The following ACSS3 variants were observed in gnomAD, a reference collection of about 807,000 sequenced individuals.
ACSS3 encodes the protein acyl-CoA synthetase short-chain family member 3, mitochondrial.
Under a neutral mutation model 84.2 loss-of-function variants are expected in ACSS3, and 64 were observed. That is an observed-to-expected ratio of 0.76 (90% CI 0.62 to 0.94). ACSS3 has a LOEUF of 0.94. Among genes scored for constraint, ACSS3 ranks in the 40% least tolerant of loss-of-function variants. The pLI, the probability that ACSS3 is intolerant of heterozygous loss-of-function variation, is 0.00. For missense variants in ACSS3, 815 were observed against 867.6 expected (o/e 0.94, Z 0.76); for synonymous variants, 317 against 310.1 (o/e 1.02, Z -0.23).
rs1774280869 is a variant in ACSS3, at chr12:81,078,339, C to T, written c.219C>T (p.Pro73=). ...KTHFAASVTD[P]ERFWGKAAEQ... is the part of the protein sequence containing the mutation. The stretch of plus-strand genomic sequence containing the variant: ...ACTTCGCAGCCTCGGTGACCGACCC[C>T]GAGAGGTTCTGGGGCAAAGCTGCCG... Residue 73 remains proline (P), a synonymous_variant, in exon 1 of 16, where the codon CCC becomes CCT. Transcript: ENST00000548058. The T allele has an allele frequency of 1.9e-6, 3 of 1,612,640 alleles. No individual in the cohort carries two copies. The highest frequency in any genetic ancestry group is 2.5e-6 in the Non-Finnish European group (3 of 1,179,988).
At chr12:81,197,436 T>C (rs1254297432) in intron 8 of ACSS3, among the ~76,000 whole-genome samples, 1 of 152,192 alleles carries the variant, frequency 6.6e-6, no homozygotes, top group Non-Finnish European at 1.5e-5. Context: ...TTCTTTGTTT[T>C]GTGGCCCATC....
chr12:81,206,663 A>G (rs2032364484), intron 9 of ACSS3, among the ~76,000 whole-genome samples: 1 of 152,102 alleles, frequency 6.6e-6, no homozygotes, highest in South Asian at 2.1e-4. Context: ...GTTGCCTGGC[A>G]ACAGCATTTT....
rs1593285448 is a variant in ACSS3 at position 81,261,060 on chromosome 12, G to A, written c.*6138G>A. ...ATGCTTGGTATTTATGGTTACATAGGAAGGTTTTGTGCTGGTCCTATTCTC... is the reference window on the plus strand; with the variant it reads ...ATGCTTGGTATTTATGGTTACATAGAAAGGTTTTGTGCTGGTCCTATTCTC... On this transcript the variant is annotated 3_prime_UTR_variant, in exon 16 of 16. Coordinates refer to ENST00000548058, the MANE Select transcript of ACSS3 (RefSeq NM_024560.4). 1.3e-5 allele frequency: 2 copies of A among 152,050 alleles called. No homozygotes were observed. Among genetic ancestry groups the A allele is most frequent in the Non-Finnish European group, 2.9e-5 (2 of 68,006 alleles). 9.4% of individuals were successfully genotyped at this position (152,050 alleles called of 1,614,324 possible).
intron 7 of ACSS3, among the ~76,000 whole-genome samples, chr12:81,171,624 A>G (rs2030050572): frequency 6.6e-6 from 1 of 152,126 alleles, no homozygotes; most frequent in Non-Finnish European, 1.5e-5. Context: ...GATTTTTATA[A>G]TCCATAAGTA....
chr12:81,097,423 C>A (rs1196236402), intron 1 of ACSS3, among the ~76,000 whole-genome samples: 1 of 152,128 alleles, frequency 6.6e-6, no homozygotes, highest in Non-Finnish European at 1.5e-5. Flanking sequence ...TGACCCCGGC[C>A]CTAAAACTTT....
At chr12:81,158,052 C>T (rs1386906159) in intron 7 of ACSS3, among the ~76,000 whole-genome samples, 1 of 151,788 alleles carries the variant, frequency 6.6e-6, no homozygotes, top group South Asian at 2.1e-4. Flanking sequence ...CTCTATAAAT[C>T]AGCAATGGCC....
chr12:81,222,591 C>G (rs1441800721), intron 11 of ACSS3, among the ~76,000 whole-genome samples: 1 of 151,986 alleles, frequency 6.6e-6, no homozygotes, highest in Non-Finnish European at 1.5e-5. Context: ...GATCTTAAGA[C>G]TCATTTGTGT....
chr12:81,109,673 C>A lies in ACSS3; in HGVS notation c.425C>A (p.Ala142Glu). 1 of 1,606,396 alleles carries A rather than the reference C, an allele frequency of 6.2e-7. No individual in the cohort carries two copies. The highest frequency in any genetic ancestry group is 1.3e-5 in the African/African-American group (1 of 74,772). Residue 142 changes from alanine to glutamate, a missense_variant, in exon 2 of 16, where the codon GCA becomes GAA. Transcript: ENST00000548058. ...IYDSPVTNTK[A>E]TFTYKEVLEQ... Reference sequence around the variant, plus strand: ...GACAGTCCTGTTACAAACACTAAAGCAACCTTTACCTATAAAGAAGTTCTG... The same window carrying A: ...GACAGTCCTGTTACAAACACTAAAGAAACCTTTACCTATAAAGAAGTTCTG...
chr12:81,162,791 C>A (rs1483086258), intron 7 of ACSS3, among the ~76,000 whole-genome samples: 1 of 152,128 alleles, frequency 6.6e-6, no homozygotes, highest in African/African-American at 2.4e-5. Flanking sequence ...TCGTTGACAC[C>A]CAGAGTTCAG....
rs748225394 is a variant in ACSS3 at position 81,139,301 on chromosome 12, T to C, written c.780+36T>C. The C allele has an allele frequency of 1.2e-5, 19 of 1,600,148 alleles. No homozygotes were observed. The South Asian group carries it at 2.0e-4, about 17-fold the overall frequency. On this transcript the variant is annotated intron_variant, in intron 4 of 15. Transcript: ENST00000548058. ...TATTGAATTTGGTTCTTGCTTATGGTAATATGCTAAGAATGAGTTTAGTTT... is the reference window on the plus strand; with the variant it reads ...TATTGAATTTGGTTCTTGCTTATGGCAATATGCTAAGAATGAGTTTAGTTT...
At chr12:81,216,163 G>GT (rs2032905865) in intron 9 of ACSS3, among the ~76,000 whole-genome samples, 1 of 150,980 alleles carries the variant, frequency 6.6e-6, no homozygotes, top group Non-Finnish European at 1.5e-5. Context: ...TTATTAAAAT[G>GT]TTTTTTTCTG....
chr12:81,192,093 C>A (rs76734878), intron 8 of ACSS3, among the ~76,000 whole-genome samples: 2 of 152,082 alleles, frequency 1.3e-5, no homozygotes, highest in East Asian at 3.9e-4. Flanking sequence ...AAGAAAATAG[C>A]TATTTTGGCC....
intron 2 of ACSS3, among the ~76,000 whole-genome samples, chr12:81,121,596 A>C (rs1884608735): frequency 6.6e-6 from 1 of 152,152 alleles, no homozygotes; most frequent in Admixed American, 6.5e-5. Flanking sequence ...TCTGAGTTAT[A>C]GGCAGGGTAA....
chr12:81,091,310 A>G (rs1019127936), intron 1 of ACSS3, among the ~76,000 whole-genome samples: 1 of 152,036 alleles, frequency 6.6e-6, no homozygotes, highest in Non-Finnish European at 1.5e-5. Flanking sequence ...TAGCAATCAT[A>G]TAAAAATGTT....
intron 1 of ACSS3, among the ~76,000 whole-genome samples, chr12:81,102,890 G>C (rs1316808938): frequency 2.0e-5 from 3 of 152,008 alleles, no homozygotes; most frequent in Non-Finnish European, 4.4e-5. Flanking sequence ...GCTCATGTTA[G>C]ATTCAGGGAG....
intron 8 of ACSS3, among the ~76,000 whole-genome samples, chr12:81,178,669 T>C (rs1442657153): frequency 6.6e-6 from 1 of 152,160 alleles, no homozygotes; most frequent in Non-Finnish European, 1.5e-5. Flanking sequence ...TGGAAAAGCA[T>C]TCCATGCTCA....
intron 8 of ACSS3, among the ~76,000 whole-genome samples, chr12:81,188,243 T>G (rs1230462864): frequency 6.6e-6 from 1 of 151,978 alleles, no homozygotes; most frequent in African/African-American, 2.4e-5. Context: ...AATATGAGAA[T>G]TTTCATATAT....
chr12:81,132,871 G>A (rs1885593892), intron 2 of ACSS3, among the ~76,000 whole-genome samples: 1 of 152,126 alleles, frequency 6.6e-6, no homozygotes, highest in African/African-American at 2.4e-5. Flanking sequence ...TACCTTAAAT[G>A]ATGTACCTAG....
chr12:81,171,885 G>T (rs553779473), intron 7 of ACSS3, among the ~76,000 whole-genome samples: 2 of 152,084 alleles, frequency 1.3e-5, no homozygotes, highest in African/African-American at 4.8e-5. Flanking sequence ...TTGCTCCAAG[G>T]CTACAAACCT....
Sources: allele counts gnomAD v4.1 joint callset (sites outside exome capture counted in the v4.1 genomes callset), GRCh38; gene constraint gnomAD v4.1.1; transcripts MANE v1.5; gene names NCBI Gene and HGNC (gene_info 2026-07-23, HGNC 2026-07-21).